KCNK18: variants seen among roughly 807,000 people sequenced by gnomAD.
The protein encoded by KCNK18 is potassium two pore domain channel subfamily K member 18, also known as potassium channel subfamily K member 18.
Under a neutral mutation model 11.8 loss-of-function variants are expected in KCNK18, and 8 were observed. That is an observed-to-expected ratio of 0.68 (90% CI 0.40 to 1.22). KCNK18 has a LOEUF of 1.22. Among genes scored for constraint, KCNK18 ranks in the 50% most tolerant of loss-of-function variants. The pLI, the probability that KCNK18 is intolerant of heterozygous loss-of-function variation, is 0.01. For synonymous variants in KCNK18, 208 were observed against 185.8 expected (o/e 1.12, Z -0.97); for missense variants, 442 against 465.4 (o/e 0.95, Z 0.46).
At position 117,201,201 on chromosome 10, in the gene KCNK18, A is replaced by G. The variant is rs111360334; in HGVS notation, c.266A>G (p.Lys89Arg). 6.2e-7 allele frequency: 1 copy of G among 1,614,034 alleles called. No homozygotes were observed. Among genetic ancestry groups the G allele is most frequent in the African/African-American group, 1.3e-5 (1 of 74,918 alleles). Reference sequence around the variant, plus strand: ...CAGGATCTCCAGGGGCATCTGCAGAAGGTGAAGCCTCAGTGGTTTAACAGG... The same window carrying G: ...CAGGATCTCCAGGGGCATCTGCAGAGGGTGAAGCCTCAGTGGTTTAACAGG... Reference protein sequence around the residue: ...RKQDLQGHLQKVKPQWFNRTT... With the variant: ...RKQDLQGHLQRVKPQWFNRTT... The change falls in exon 2 of 3, where the codon AAG becomes AGG. Residue 89 changes from lysine (K) to arginine (R), a missense_variant. By Grantham distance (26) the Lys-to-Arg change is conservative. Coordinates refer to ENST00000334549, the MANE Select transcript of KCNK18 (RefSeq NM_181840.1).
chr10:117,205,423 G>A (rs1855063860), intron 2 of KCNK18, among the ~76,000 whole-genome samples: 1 of 152,124 alleles, frequency 6.6e-6, no homozygotes, highest in African/African-American at 2.4e-5. Flanking sequence ...ATTTTGGATT[G>A]CAAAAGTATC....
At chr10:117,201,369 T>C in intron 2 of KCNK18, 82 bp downstream of exon 2, 3 of 1,450,632 alleles carry the variant, frequency 2.1e-6, no homozygotes, top group Non-Finnish European at 2.9e-6. Context: ...GGAATTGGGG[T>C]GTGGAGATGG....
Position 117,197,562 on chromosome 10 carries a change from G to T in KCNK18, c.74G>T (p.Cys25Phe). 6.2e-7 allele frequency: 1 copy of T among 1,614,226 alleles called. No homozygotes were observed. Among genetic ancestry groups the T allele is most frequent in the Non-Finnish European group, 8.5e-7 (1 of 1,180,038 alleles). The change falls in exon 1 of 3, where the codon TGC becomes TTC. Residue 25 changes from cysteine to phenylalanine, a missense_variant. Transcript: ENST00000334549. The part of the protein sequence containing the change: ...EALGKLFPGL[C>F]FLCFLVTYAL... ...CTGGGAAAGCTCTTCCCTGGCCTCT[G>T]CTTCCTCTGCTTTCTGGTGACCTAC...
chr10:117,202,886 C>CTTTTTTTT lies in KCNK18; in HGVS notation c.352+1614_352+1621dup, dbSNP rs201850637. ...GTGGTTTCTCCCATTTGCCTGAATGCTTTTTTTTTTTTTTTTTTTTTTGAG... is the reference window on the plus strand; with the variant it reads ...GTGGTTTCTCCCATTTGCCTGAATGCTTTTTTTTTTTTTTTTTTTTTTTTTTTTTTGAG... On this transcript the variant is annotated intron_variant, in intron 2 of 2. Transcript: ENST00000334549. 2.3e-3 allele frequency among the ~76,000 whole-genome samples: 280 copies of CTTTTTTTT among 122,934 alleles called. 13 individuals are homozygous for CTTTTTTTT. Among genetic ancestry groups the CTTTTTTTT allele is most frequent in the African/African-American group, 8.8e-3 (256 of 29,232 alleles). The allele number at this position is 122,934 out of a possible 152,430, so 80.6% of individuals were successfully genotyped here.
At chr10:117,203,983 T>C (rs1382676881) in intron 2 of KCNK18, among the ~76,000 whole-genome samples, 2 of 152,184 alleles carry the variant, frequency 1.3e-5, no homozygotes, top group Non-Finnish European at 1.5e-5. Context: ...CCTAGCCTCC[T>C]CAAGAATTTA....
chr10:117,209,348 T>C, intron 2 of KCNK18, 149 bp from the exon 3 acceptor site: 1 of 776,690 alleles, frequency 1.3e-6, no homozygotes, highest in South Asian at 1.4e-5. Context: ...GCCAGACCAG[T>C]GGCTGAATGC....
intron 1 of KCNK18, 119 bp from the exon 2 acceptor site, chr10:117,201,040 A>T: frequency 8.0e-7 from 1 of 1,242,500 alleles, no homozygotes; most frequent in Non-Finnish European, 1.2e-6. Context: ...TGGTGTTGAT[A>T]CTGACCACAA....
At chr10:117,206,806 C>T (rs1031420968) in intron 2 of KCNK18, among the ~76,000 whole-genome samples, 6 of 152,212 alleles carry the variant, frequency 3.9e-5, no homozygotes, top group African/African-American at 7.2e-5. Context: ...GGTAAGTGCA[C>T]GGAGGCTAGG....
chr10:117,208,445 A>AT (rs1297202772), intron 2 of KCNK18, among the ~76,000 whole-genome samples: 2 of 152,192 alleles, frequency 1.3e-5, no homozygotes, highest in African/African-American at 2.4e-5. Flanking sequence ...CATCTTACAG[A>AT]TAAAAAAAAC....
At chr10:117,201,986 C>T (rs1376459175) in intron 2 of KCNK18, among the ~76,000 whole-genome samples, 5 of 152,194 alleles carry the variant, frequency 3.3e-5, no homozygotes, top group Admixed American at 6.5e-5. Flanking sequence ...ACACAGGAGG[C>T]GATGGAGCTG....
At chr10:117,207,753 G>T (rs768338097) in intron 2 of KCNK18, among the ~76,000 whole-genome samples, 1 of 152,332 alleles carries the variant, frequency 6.6e-6, no homozygotes, top group South Asian at 2.1e-4. Context: ...GGAGGGCAGA[G>T]CCTGAGGCCA....
chr10:117,208,476 G>A (rs746236223), intron 2 of KCNK18, among the ~76,000 whole-genome samples: 18 of 152,182 alleles, frequency 1.2e-4, no homozygotes, highest in Non-Finnish European at 2.2e-4. Flanking sequence ...GAGCAGTCAA[G>A]TAATATTATC....
intron 2 of KCNK18, among the ~76,000 whole-genome samples, chr10:117,204,090 C>G (rs749751611): frequency 1.3e-5 from 2 of 151,914 alleles, no homozygotes; most frequent in Non-Finnish European, 2.9e-5. Flanking sequence ...AATGAGACCT[C>G]ATCTCTACAA....
chr10:117,208,861 C>T (rs981462832), intron 2 of KCNK18, among the ~76,000 whole-genome samples: 13 of 152,014 alleles, frequency 8.6e-5, no homozygotes, highest in Middle Eastern at 3.4e-3. Context: ...CTGCCTCAAC[C>T]GCCTGAGAAG....
At chr10:117,209,275 G>A (rs751625108) in intron 2 of KCNK18, among the ~76,000 whole-genome samples, 9 of 152,164 alleles carry the variant, frequency 5.9e-5, no homozygotes, top group Non-Finnish European at 8.8e-5. Context: ...CTGGATATCA[G>A]TTGCTCCTTA....
At chr10:117,207,759 G>A (rs928524386) in intron 2 of KCNK18, among the ~76,000 whole-genome samples, 2 of 152,188 alleles carry the variant, frequency 1.3e-5, no homozygotes, top group Non-Finnish European at 2.9e-5. Context: ...CAGAGCCTGA[G>A]GCCAAAGTTT....
chr10:117,200,505 C>T (rs1279964133), intron 1 of KCNK18, among the ~76,000 whole-genome samples: 1 of 152,158 alleles, frequency 6.6e-6, no homozygotes, highest in African/African-American at 2.4e-5. Context: ...CAGAAGTTAT[C>T]TTCCTTTGAA....
chr10:117,201,245 C>CA lies in KCNK18; in HGVS notation c.310_311insA (p.Leu104HisfsTer61). 1.2e-6 allele frequency: 2 copies of CA among 1,614,094 alleles called. No homozygotes were observed. Among genetic ancestry groups the CA allele is most frequent in the Non-Finnish European group, 1.7e-6 (2 of 1,180,006 alleles). On this transcript the variant is annotated frameshift_variant, in exon 2 of 3. Transcript: ENST00000334549. LOFTEE classifies it low-confidence loss of function (END_TRUNC). The stretch of plus-strand genomic sequence containing the variant: ...TAACAGGACCACACACTGGTCCTTC[C>CA]TGAGCTCGCTCTTTTTCTGCTGCAC...
chr10:117,203,522 TA>T (rs762857540), intron 2 of KCNK18, among the ~76,000 whole-genome samples: 11 of 152,116 alleles, frequency 7.2e-5, no homozygotes, highest in Non-Finnish European at 1.6e-4. Context: ...GGCTAGAAGT[TA>T]TGAAGTTTGT....
Sources: allele counts gnomAD v4.1 joint callset (sites outside exome capture counted in the v4.1 genomes callset), GRCh38; gene constraint gnomAD v4.1.1; transcripts MANE v1.5; gene names NCBI Gene and HGNC (gene_info 2026-07-23, HGNC 2026-07-21).